The following DCT variants were observed in gnomAD, a reference collection of about 807,000 sequenced individuals.
DCT encodes the protein dopachrome tautomerase.
In DCT, 47 loss-of-function variants were observed where a neutral mutation model predicts 53.0. The observed-to-expected ratio is 0.89, with a 90% CI of 0.70 to 1.13. The LOEUF (loss-of-function observed/expected upper bound fraction) is 1.13, where lower values mean the gene tolerates loss of function less well. Ranked by LOEUF, DCT falls within the 50% of genes most tolerant of loss-of-function variation. The pLI, the probability that DCT is intolerant of heterozygous loss-of-function variation, is 0.00. For synonymous variants in DCT, 244 were observed against 237.0 expected, an observed-to-expected ratio of 1.03 and a Z score of -0.27; for missense variants, 669 against 637.4, an observed-to-expected ratio of 1.05 and a Z score of -0.53.
At chr13:94,493,498 A>G in the DCT span, among the ~76,000 whole-genome samples, 2 of 152,330 alleles carry the variant, frequency 1.3e-5, no homozygotes, top group African/African-American at 4.8e-5. Context: ...TGATGGTTTC[A>G]CTGGTGAATT....
At chr13:94,460,302 T>A (rs1478390234) in intron 5 of DCT, 76 bp from the exon 6 acceptor site, 4 of 1,377,300 alleles carry the variant, frequency 2.9e-6, no homozygotes, top group African/African-American at 1.5e-5. Context: ...TCAGCCTAGA[T>A]AATAGTTGTC....
At chr13:94,446,084 G>C (rs549998572) in intron 6 of DCT, among the ~76,000 whole-genome samples, 1 of 152,200 alleles carries the variant, frequency 6.6e-6, no homozygotes, top group Admixed American at 6.5e-5. Flanking sequence ...AGAAGGCAGA[G>C]GTGGTGAAAC....
At chr13:94,514,747 C>T in the DCT span, among the ~76,000 whole-genome samples, 3 of 152,164 alleles carry the variant, frequency 2.0e-5, no homozygotes, top group Admixed American at 1.3e-4. Flanking sequence ...GACGTGGAGA[C>T]CTAGCCTCGC....
At chr13:94,469,315 G>T (rs1035054544) in intron 1 of DCT, among the ~76,000 whole-genome samples, 6 of 152,188 alleles carry the variant, frequency 3.9e-5, no homozygotes, top group African/African-American at 7.2e-5. Flanking sequence ...TGTCCCCGAA[G>T]TCCTAGCCCC....
At chr13:94,442,451 C>T (rs548237929) in intron 7 of DCT, among the ~76,000 whole-genome samples, 138 of 152,218 alleles carry the variant, frequency 9.1e-4, no homozygotes, top group South Asian at 1.0e-3. Flanking sequence ...AGACTACAGG[C>T]ATGCACCACT....
rs1425828472 is a variant in DCT, at chr13:94,462,139, C to T, written c.914G>A (p.Gly305Asp). 1.2e-5 allele frequency: 20 copies of T among 1,613,250 alleles called. No homozygotes were observed. The highest frequency in any genetic ancestry group is 1.7e-5 in the Non-Finnish European group (20 of 1,179,746). ...LVTLCNGTYEGLLRRNQMGRN... is the reference protein window; with the variant it reads ...LVTLCNGTYEDLLRRNQMGRN... ...TCCCATTTGATTTCTTCTCAGCAAA[C>T]CTTCATAGGTTCCATTGCACAAGGT... is the stretch of plus-strand genomic sequence containing the variant. The change falls in exon 5 of 8, where the codon GGT (glycine) becomes GAT (aspartate). Residue 305 changes from glycine (G) to aspartate (D), a missense_variant. Transcript: ENST00000377028.
At chr13:94,497,552 G>A in the DCT span, among the ~76,000 whole-genome samples, 1 of 152,192 alleles carries the variant, frequency 6.6e-6, no homozygotes, top group Admixed American at 6.5e-5. Flanking sequence ...TATGTATTAG[G>A]CACTGTATTC....
At chr13:94,526,985 G>A in the DCT span, among the ~76,000 whole-genome samples, 42 of 152,254 alleles carry the variant, frequency 2.8e-4, no homozygotes, top group African/African-American at 9.1e-4. Flanking sequence ...TGCCTGGCTC[G>A]GTGGGTGCCA....
the DCT span, among the ~76,000 whole-genome samples, chr13:94,508,174 C>T: frequency 6.6e-6 from 1 of 152,184 alleles, no homozygotes; most frequent in African/African-American, 2.4e-5. Flanking sequence ...AATTGTTTGT[C>T]ATAATAACTA....
the DCT span, among the ~76,000 whole-genome samples, chr13:94,493,776 T>G: frequency 1.3e-5 from 2 of 151,854 alleles, no homozygotes; most frequent in East Asian, 3.9e-4. Context: ...ATGCAGCGGG[T>G]TTTTAGGGCA....
chr13:94,487,484 G>A, the DCT span, among the ~76,000 whole-genome samples: 1 of 152,364 alleles, frequency 6.6e-6, no homozygotes, highest in East Asian at 1.9e-4. Context: ...ATGCAGGGCA[G>A]ACATGCATAG....
the DCT span, among the ~76,000 whole-genome samples, chr13:94,543,286 C>G: frequency 6.6e-6 from 1 of 152,124 alleles, no homozygotes; most frequent in Non-Finnish European, 1.5e-5. Context: ...TCTACCCCTG[C>G]GCACACCTCA....
At chr13:94,469,813 G>A (rs1246463743) in intron 1 of DCT, among the ~76,000 whole-genome samples, 1 of 152,222 alleles carries the variant, frequency 6.6e-6, no homozygotes, top group Non-Finnish European at 1.5e-5. Context: ...GGTGGCTCAC[G>A]CCTGTAATCC....
the DCT span, among the ~76,000 whole-genome samples, chr13:94,520,100 C>T: frequency 6.6e-6 from 1 of 152,090 alleles, no homozygotes; most frequent in Non-Finnish European, 1.5e-5. Flanking sequence ...GATATTATAC[C>T]ACTTGCTGCA....
the DCT span, among the ~76,000 whole-genome samples, chr13:94,506,107 C>T: frequency 6.6e-6 from 1 of 152,178 alleles, no homozygotes; most frequent in African/African-American, 2.4e-5. Context: ...CAATATATAA[C>T]TAATATACTT....
the DCT span, among the ~76,000 whole-genome samples, chr13:94,513,523 G>A: frequency 6.6e-6 from 1 of 152,100 alleles, no homozygotes; most frequent in African/African-American, 2.4e-5. Context: ...TGAAACAATG[G>A]GCAGCATTTG....
the DCT span, among the ~76,000 whole-genome samples, chr13:94,498,011 T>C: frequency 6.6e-6 from 1 of 152,240 alleles, no homozygotes; most frequent in East Asian, 1.9e-4. Context: ...AGCTACCTTT[T>C]GGAGGCCTAA....
At chr13:94,450,981 T>G (rs1346052884) in intron 6 of DCT, among the ~76,000 whole-genome samples, 5 of 152,190 alleles carry the variant, frequency 3.3e-5, no homozygotes, top group Non-Finnish European at 7.3e-5. Flanking sequence ...ATAGTATGCA[T>G]TTATCCTTAT....
chr13:94,489,293 GT>G, the DCT span, among the ~76,000 whole-genome samples: 1 of 152,114 alleles, frequency 6.6e-6, no homozygotes. Context: ...ATTAAAAAGA[GT>G]ATAACCCAGT....
Sources: allele counts gnomAD v4.1 joint callset (sites outside exome capture counted in the v4.1 genomes callset), GRCh38; gene constraint gnomAD v4.1.1; transcripts MANE v1.5; gene names NCBI Gene and HGNC (gene_info 2026-07-23, HGNC 2026-07-21).